CCDC171: variants seen among roughly 807,000 people sequenced by gnomAD.
CCDC171 encodes the protein coiled-coil domain containing 171.
Under a neutral mutation model 168.2 loss-of-function variants are expected in CCDC171, and 177 were observed. That is an observed-to-expected ratio of 1.05 (90% confidence interval 0.93 to 1.19). The LOEUF (loss-of-function observed/expected upper bound fraction) is 1.19. Among genes scored for constraint, CCDC171 ranks in the 50% most tolerant of loss-of-function variants. CCDC171 has a pLI of 0.00. For synonymous variants in CCDC171, 687 were observed against 540.8 expected, an observed-to-expected ratio of 1.27 and a Z score of -3.75; for missense variants, 1,991 against 1,539.0, an observed-to-expected ratio of 1.29 and a Z score of -4.91.
At chr9:15,790,834 C>T (rs1420773390) in intron 21 of CCDC171, among the ~76,000 whole-genome samples, 2 of 152,224 alleles carry the variant, frequency 1.3e-5, no homozygotes, top group African/African-American at 4.8e-5. Context: ...GTTTTCTCAG[C>T]ACCATTTATT....
intron 11 of CCDC171, among the ~76,000 whole-genome samples, chr9:15,706,815 C>T (rs528634833): frequency 6.6e-6 from 1 of 152,222 alleles, no homozygotes; most frequent in African/African-American, 2.4e-5. Flanking sequence ...TAGAGGTGTT[C>T]TTTTCCTTTT....
At chr9:16,067,165 G>A in the CCDC171 span, among the ~76,000 whole-genome samples, 22 of 152,150 alleles carry the variant, frequency 1.4e-4, no homozygotes, top group African/African-American at 5.1e-4. Context: ...TAACTGGTGT[G>A]AGATGGTATC....
chr9:16,045,182 C>T (rs1016030320), intron 1 of CCDC171, among the ~76,000 whole-genome samples: 1 of 152,050 alleles, frequency 6.6e-6, no homozygotes, highest in Non-Finnish European at 1.5e-5. Context: ...AGAAGCACAC[C>T]CTGAGACAAT....
In CCDC171 at chr9:15,695,820, T is replaced by C. The variant is rs564931140; in HGVS notation, c.1318+483T>C. 2.6e-5 allele frequency among the ~76,000 whole-genome samples: 4 copies of C among 152,336 alleles called. No homozygotes were observed. In the East Asian group the frequency reaches 7.7e-4, roughly 29 times the overall value. On this transcript the variant is annotated intron_variant, in intron 11 of 25. Coordinates refer to ENST00000380701, the MANE Select transcript of CCDC171 (RefSeq NM_173550.4). ...ATTTCCTACTACCATATACATATAC[T>C]GTCCAGATAAGAATGCTTAGGTAGA...
intron 6 of CCDC171, among the ~76,000 whole-genome samples, chr9:15,622,659 C>G (rs188070896): frequency 6.6e-6 from 1 of 152,148 alleles, no homozygotes; most frequent in Non-Finnish European, 1.5e-5. Context: ...AAATTCAACT[C>G]CCATTTCTGT....
chr9:15,559,767 G>T (rs2039120789), intron 1 of CCDC171, among the ~76,000 whole-genome samples: 1 of 152,084 alleles, frequency 6.6e-6, no homozygotes. Context: ...ATTTGATCCT[G>T]TCATTATGAT....
At chr9:15,756,233 C>G (rs2056106245) in intron 18 of CCDC171, among the ~76,000 whole-genome samples, 1 of 152,094 alleles carries the variant, frequency 6.6e-6, no homozygotes, top group Non-Finnish European at 1.5e-5. Flanking sequence ...ACCTCCACAT[C>G]TACTGCCCCA....
chr9:15,599,813 A>T (rs781202522), intron 6 of CCDC171, among the ~76,000 whole-genome samples: 4 of 152,148 alleles, frequency 2.6e-5, no homozygotes, highest in South Asian at 2.1e-4. Flanking sequence ...GTCTTTTCAC[A>T]TAGCCCCATA....
chr9:15,684,242 AAACTT>A (rs1454454913), intron 10 of CCDC171, among the ~76,000 whole-genome samples: 2 of 152,132 alleles, frequency 1.3e-5, no homozygotes, highest in South Asian at 2.1e-4. Flanking sequence ...TTTAAATAAA[AAACTT>A]AAAAGTTTTA....
chr9:15,607,668 G>A (rs993471793), intron 6 of CCDC171, among the ~76,000 whole-genome samples: 1 of 151,994 alleles, frequency 6.6e-6, no homozygotes, highest in Non-Finnish European at 1.5e-5. Flanking sequence ...TCGCCATGTT[G>A]GCCAATCTAT....
At chr9:16,022,530 C>A (rs886629285) in exon 5 of CCDC171, 3 of 152,354 alleles carry the variant, frequency 2.0e-5, no homozygotes, top group African/African-American at 7.2e-5. Context: ...CTCTGGATCG[C>A]CCAGAGAGGG....
chr9:15,764,060 C>T (rs1025672126), intron 18 of CCDC171, among the ~76,000 whole-genome samples: 1 of 152,016 alleles, frequency 6.6e-6, no homozygotes, highest in Non-Finnish European at 1.5e-5. Context: ...GTGCAGAAAC[C>T]CTAACAAAGG....
intron 24 of CCDC171, among the ~76,000 whole-genome samples, chr9:15,898,894 A>G (rs1821263564): frequency 6.6e-6 from 1 of 152,256 alleles, no homozygotes; most frequent in East Asian, 1.9e-4. Context: ...ATTTGTATAG[A>G]CACTACCACA....
intron 7 of CCDC171, among the ~76,000 whole-genome samples, chr9:15,632,578 T>C (rs994413972): frequency 7.2e-5 from 11 of 152,040 alleles, no homozygotes; most frequent in Non-Finnish European, 1.6e-4. Flanking sequence ...ATCAATATCG[T>C]GAAAATGGCC....
chr9:16,035,167 T>C (rs1460176227), intron 6 of CCDC171, among the ~76,000 whole-genome samples: 1 of 152,232 alleles, frequency 6.6e-6, no homozygotes, highest in Non-Finnish European at 1.5e-5. Flanking sequence ...AATTCAGATA[T>C]CTGTTTATAA....
At chr9:16,079,084 A>C in the CCDC171 span, among the ~76,000 whole-genome samples, 1 of 152,208 alleles carries the variant, frequency 6.6e-6, no homozygotes, top group Admixed American at 6.5e-5. Flanking sequence ...GGATTAAGAA[A>C]TCAAGCTTTT....
chr9:15,960,156 T>C (rs904481383), intron 25 of CCDC171, among the ~76,000 whole-genome samples: 1 of 152,196 alleles, frequency 6.6e-6, no homozygotes, highest in Non-Finnish European at 1.5e-5. Flanking sequence ...CTTCCAGTGC[T>C]ATTGTGCATC....
downstream of CCDC171, among the ~76,000 whole-genome samples, chr9:16,063,874 A>G (rs553768877): frequency 7.9e-5 from 12 of 152,376 alleles, no homozygotes; most frequent in East Asian, 2.1e-3. Flanking sequence ...TAGCAGAGCA[A>G]GGGACCAAGA....
intron 3 of CCDC171, among the ~76,000 whole-genome samples, chr9:15,574,510 C>G (rs2040481520): frequency 6.6e-6 from 1 of 152,078 alleles, no homozygotes; most frequent in Admixed American, 6.5e-5. Context: ...AACTCCTGAC[C>G]TCAAGTGATC....
Sources: gnomAD v4.1 joint callset for allele counts (sites outside exome capture counted in the v4.1 genomes callset) on GRCh38, gnomAD v4.1.1 for gene constraint, MANE v1.5 for transcripts, NCBI Gene and HGNC (gene_info 2026-07-23, HGNC 2026-07-21) for gene names.